Variants in BACE1 observed in about 807,000 individuals in gnomAD.
The protein encoded by BACE1 is beta-secretase 1.
A neutral mutation model predicts 54.0 loss-of-function variants in BACE1; 21 were observed. The observed-to-expected ratio is 0.39, with a 90% CI of 0.28 to 0.56. BACE1 has a LOEUF of 0.56. Among genes scored for constraint, BACE1 ranks in the 20% least tolerant of loss-of-function variants. The pLI is 0.63. For missense variants in BACE1, 511 were observed against 661.2 expected (o/e 0.77, Z 2.49); for synonymous variants, 232 against 260.9 (o/e 0.89, Z 1.07).
At chr11:117,313,149 A>G (rs958760362) in intron 1 of BACE1, among the ~76,000 whole-genome samples, 1 of 152,214 alleles carries the variant, frequency 6.6e-6, no homozygotes, top group African/African-American at 2.4e-5. Flanking sequence ...TCCTTCTTAC[A>G]GACAGATGGG....
In BACE1 at chr11:117,293,679, C is replaced by G; in HGVS notation, c.705+192G>C. ...TTCCTTTCCAAGTTTACCATAGGTGCCTTGATTCCTTTCTGGAATAACGCA... is the reference window on the plus strand; with the variant it reads ...TTCCTTTCCAAGTTTACCATAGGTGGCTTGATTCCTTTCTGGAATAACGCA... On this transcript the variant is annotated intron_variant, in intron 4 of 8. Transcript: ENST00000313005. The surrounding 1 kb of genome is among the most constrained non-coding windows in gnomAD (Gnocchi z 4.1). The G allele has an allele frequency of 2.0e-6, 1 of 508,826 alleles. No homozygotes were observed. 31.5% of individuals were successfully genotyped at this position (508,826 alleles called of 1,614,324 possible).
At chr11:117,291,197 G>A in intron 6 of BACE1, 148 bp from the exon 7 acceptor site, 2 of 923,392 alleles carry the variant, frequency 2.2e-6, no homozygotes, top group Non-Finnish European at 3.2e-6. Flanking sequence ...GAGGATTACA[G>A]GAAGAGAGAG....
intron 1 of BACE1, among the ~76,000 whole-genome samples, chr11:117,306,704 G>A (rs2034839270): frequency 6.6e-6 from 1 of 152,096 alleles, no homozygotes; most frequent in South Asian, 2.1e-4. Context: ...CTAGCTACTT[G>A]GCAGGCCGAC....
Position 117,295,331 on chromosome 11 carries a change from C to G in BACE1, c.367G>C (p.Asp123His). 1 of 1,613,734 alleles carries G rather than the reference C, an allele frequency of 6.2e-7. No homozygotes were observed. Among genetic ancestry groups the G allele is most frequent in the Non-Finnish European group, 8.5e-7 (1 of 1,179,640 alleles). The change falls in exon 3 of 9, where the codon GAC (aspartate) becomes CAC (histidine). Residue 123 changes from aspartate (D) to histidine (H), a missense_variant. Physicochemically the swap from Asp to His is moderately conservative, Grantham distance 81 (BLOSUM62 -1). This residue lies in a region of BACE1 where 407 missense variants were observed against 565.7 expected (regional missense o/e 0.72). Coordinates refer to ENST00000313005, the MANE Select transcript of BACE1 (RefSeq NM_012104.6). ...GGCACATACACACCCTTCCGGAGGTCCCGGTATGTGCTGGACCTGTGGAAA... is the reference window on the plus strand; with the variant it reads ...GGCACATACACACCCTTCCGGAGGTGCCGGTATGTGCTGGACCTGTGGAAA... The part of the protein sequence containing the change: ...YQRQLSSTYR[D>H]LRKGVYVPYT...
intron 1 of BACE1, chr11:117,299,601 C>A (rs536002071): frequency 5.2e-5 from 19 of 364,166 alleles, no homozygotes; most frequent in East Asian, 3.6e-4. Context: ...CCCAGCCCCC[C>A]ACTCCTGGCC....
At chr11:117,308,939 G>T (rs957032211) in intron 1 of BACE1, among the ~76,000 whole-genome samples, 13 of 152,028 alleles carry the variant, frequency 8.6e-5, no homozygotes, top group African/African-American at 1.2e-4. Context: ...GTGACACAGC[G>T]AAACTCCATC....
intron 1 of BACE1, among the ~76,000 whole-genome samples, chr11:117,300,311 C>T (rs1191522656): frequency 6.6e-6 from 1 of 152,216 alleles, no homozygotes; most frequent in East Asian, 1.9e-4. Context: ...AGTTGGGCTT[C>T]TCTCCCGAGC....
chr11:117,295,005 CCT>C (rs2034560293), intron 3 of BACE1, 124 bp downstream of exon 3: 1 of 975,022 alleles, frequency 1.0e-6, no homozygotes, highest in African/African-American at 1.6e-5. Context: ...ACCCTATACC[CCT>C]GTTAAATAAT....
At chr11:117,300,491 G>C (rs1477827797) in intron 1 of BACE1, among the ~76,000 whole-genome samples, 1 of 152,172 alleles carries the variant, frequency 6.6e-6, no homozygotes, top group Non-Finnish European at 1.5e-5. Context: ...GGACGGGCCC[G>C]AGGCAAGGCT....
At position 117,293,846 on chromosome 11, in the gene BACE1, C is replaced by T; in HGVS notation, c.705+25G>A. The T allele has an allele frequency of 6.3e-7, 1 of 1,597,014 alleles. No homozygotes were observed. On this transcript the variant is annotated intron_variant, in intron 4 of 8. Transcript: ENST00000313005. This position sits in a 1 kb window ranked among gnomAD's most constrained non-coding sequence, Gnocchi z 4.1. The stretch of plus-strand genomic sequence containing the variant: ...CCCATCTCTCCCTCAATGCCAGGAC[C>T]TCCCCTCTCTGAGGACCTACTCACC...
intron 1 of BACE1, among the ~76,000 whole-genome samples, chr11:117,298,779 T>G (rs2034657363): frequency 6.6e-6 from 1 of 152,192 alleles, no homozygotes; most frequent in Admixed American, 6.5e-5. Flanking sequence ...GGTGTCTTGG[T>G]GTTCCCTTCT....
Position 117,315,974 on chromosome 11 carries a change from A to AG in BACE1, c.-180dup. On this transcript the variant is annotated 5_prime_UTR_variant, in exon 1 of 9. Transcript: ENST00000313005. The surrounding 1 kb of genome is among the most constrained non-coding windows in gnomAD (Gnocchi z 5.5). Reference sequence around the variant, plus strand: ...CGGGTCCGGGCTGTGGAGAGCGGTCAGGGGAGATCCGCAGAGCACGGGAGC... The same window carrying AG: ...CGGGTCCGGGCTGTGGAGAGCGGTCAGGGGGAGATCCGCAGAGCACGGGAGC... The AG allele has an allele frequency of 1.8e-6, 1 of 566,628 alleles. No individual in the cohort carries two copies. Among genetic ancestry groups the AG allele is most frequent in the Non-Finnish European group, 2.7e-6 (1 of 364,632 alleles). 35.1% of individuals were successfully genotyped at this position (566,628 alleles called of 1,614,324 possible).
At chr11:117,301,485 A>C (rs1357189600) in intron 1 of BACE1, among the ~76,000 whole-genome samples, 1 of 152,050 alleles carries the variant, frequency 6.6e-6, no homozygotes, top group East Asian at 1.9e-4. Context: ...GATGGGCACC[A>C]GTGGTCCCTG....
At chr11:117,300,499 G>C (rs990226305) in intron 1 of BACE1, among the ~76,000 whole-genome samples, 2 of 152,194 alleles carry the variant, frequency 1.3e-5, no homozygotes, top group Admixed American at 1.3e-4. Flanking sequence ...CCGAGGCAAG[G>C]CTGAGGCACT....
At chr11:117,310,190 G>C (rs1378871858) in intron 1 of BACE1, among the ~76,000 whole-genome samples, 1 of 152,116 alleles carries the variant, frequency 6.6e-6, no homozygotes, top group African/African-American at 2.4e-5. Context: ...GATTACAGGC[G>C]TGAGCTGCTG....
Position 117,290,664 on chromosome 11 carries a change from G to C in BACE1, c.1093-5C>G, listed in dbSNP as rs747474350. On this transcript the variant is annotated splice_region_variant and splice_polypyrimidine_tract_variant and intron_variant, in intron 7 of 8. Coordinates refer to ENST00000313005, the MANE Select transcript of BACE1 (RefSeq NM_012104.6). ...TTCCACTGGCCGCAGGTATTGCTAG[G>C]GGTAAGCAATCACAGGGTGAGTGTC... 1 of 1,613,614 alleles carries C rather than the reference G, an allele frequency of 6.2e-7. No homozygotes were observed. Among genetic ancestry groups the C allele is most frequent in the South Asian group, 1.1e-5 (1 of 91,024 alleles).
chr11:117,289,772 G>C lies in BACE1; in HGVS notation c.1300C>G (p.Pro434Ala), dbSNP rs372884749. 4 of 1,614,170 alleles carry C rather than the reference G, an allele frequency of 2.5e-6. No individual in the cohort carries two copies. The Admixed American group carries it at 5.0e-5, about 20-fold the overall frequency. ...TCTTCCATGTCCAAGGTGACAAAAG[G>C]GCCTTCCACCGCTGCCGTCCTGAAC... ...DEFRTAAVEG[P>A]FVTLDMEDCG... Residue 434 changes from proline to alanine, a missense_variant, in exon 9 of 9, where the codon CCT (proline) becomes GCT (alanine). Physicochemically the swap from Pro to Ala is conservative, Grantham distance 27 (BLOSUM62 -1). Coordinates refer to ENST00000313005, the MANE Select transcript of BACE1 (RefSeq NM_012104.6).
At chr11:117,296,472 C>T (rs1163076515) in intron 2 of BACE1, among the ~76,000 whole-genome samples, 1 of 152,176 alleles carries the variant, frequency 6.6e-6, no homozygotes, top group Non-Finnish European at 1.5e-5. Context: ...GGAGCCGTCA[C>T]TGAGGCCTGT....
In BACE1 at chr11:117,315,253, G is replaced by A. The variant is rs1400855597; in HGVS notation, c.261+282C>T. Among the ~76,000 whole-genome samples the A allele has an allele frequency of 6.6e-6, 1 of 152,160 alleles. No homozygotes were observed. Among genetic ancestry groups the A allele is most frequent in the Admixed American group, 6.5e-5 (1 of 15,278 alleles). On this transcript the variant is annotated intron_variant, in intron 1 of 8. Transcript: ENST00000313005. This position sits in a 1 kb window ranked among gnomAD's most constrained non-coding sequence, Gnocchi z 5.5. ...GTGGCGGACCCTTCCTCCAGGTCAG[G>A]GTCCCCAGCTGATGTGTCTGTCTTG...
Sources: gnomAD v4.1 joint callset for allele counts (sites outside exome capture counted in the v4.1 genomes callset) on GRCh38, gnomAD v4.1.1 for gene constraint, gnomAD v4.1.1 regional missense constraint, Gnocchi (gnomAD v3.1) non-coding constraint, MANE v1.5 for transcripts, NCBI Gene and HGNC (gene_info 2026-07-23, HGNC 2026-07-21) for gene names.